Variants in ZFAT observed in about 807,000 individuals in gnomAD.
ZFAT encodes zinc finger and AT-hook domain containing.
A neutral mutation model predicts 117.7 loss-of-function variants in ZFAT; 64 were observed. The observed-to-expected ratio is 0.54, with a 90% confidence interval of 0.44 to 0.67. ZFAT has a LOEUF of 0.67. Ranked by LOEUF, ZFAT falls within the 30% of genes least tolerant of loss-of-function variation. The probability of loss-of-function intolerance (pLI) is 0.00; values close to 1 mark genes in which losing one functional copy is unlikely to be tolerated. For synonymous variants in ZFAT, 679 were observed against 615.0 expected, an observed-to-expected ratio of 1.10 and a Z score of -1.54; for missense variants, 1,433 against 1,584.5, an observed-to-expected ratio of 0.90 and a Z score of 1.62.
At chr8:134,733,149 T>TA in the ZFAT span, among the ~76,000 whole-genome samples, 1 of 152,166 alleles carries the variant, frequency 6.6e-6, no homozygotes, top group Non-Finnish European at 1.5e-5. Flanking sequence ...CCTAATGCTA[T>TA]AAAAATTAGG....
chr8:134,590,446 C>A, intron 7 of ZFAT, 91 bp from the exon 8 acceptor site: 1 of 911,992 alleles, frequency 1.1e-6, no homozygotes, highest in South Asian at 1.5e-5. Flanking sequence ...CATCACCCAC[C>A]ACCACCACCA....
chr8:134,492,716 A>C (rs1288228563), intron 15 of ZFAT, among the ~76,000 whole-genome samples: 1 of 152,240 alleles, frequency 6.6e-6, no homozygotes, highest in Non-Finnish European at 1.5e-5. Flanking sequence ...AGTCAGAAAC[A>C]AAGGGAAACA....
At chr8:134,497,847 T>C (rs1290980989) in intron 15 of ZFAT, among the ~76,000 whole-genome samples, 5 of 130,706 alleles carry the variant, frequency 3.8e-5, no homozygotes, top group Non-Finnish European at 6.6e-5. Flanking sequence ...TTTGGTAGGG[T>C]TGGGGTGGAG....
intron 1 of ZFAT, among the ~76,000 whole-genome samples, chr8:134,660,027 G>A (rs904640587): frequency 1.3e-5 from 2 of 152,164 alleles, no homozygotes; most frequent in African/African-American, 2.4e-5. Flanking sequence ...TCCAGGAAAC[G>A]TTCTATTCCT....
chr8:134,698,447 C>T (rs1833932885), intron 1 of ZFAT, among the ~76,000 whole-genome samples: 1 of 152,146 alleles, frequency 6.6e-6, no homozygotes, highest in Non-Finnish European at 1.5e-5. Flanking sequence ...GGACAGCCAA[C>T]TATTCAGACA....
At chr8:134,482,265 T>C (rs188180502) in intron 15 of ZFAT, among the ~76,000 whole-genome samples, 170 of 152,246 alleles carry the variant, frequency 1.1e-3, no homozygotes, top group African/African-American at 3.9e-3. Context: ...GGGAGGCGTT[T>C]AGGGATGTCT....
Position 134,637,432 on chromosome 8 carries a change from G to T in ZFAT, c.448+29C>A. On this transcript the variant is annotated intron_variant, in intron 3 of 15. Coordinates refer to ENST00000377838, the MANE Select transcript of ZFAT (RefSeq NM_020863.4). ...CAGATACACCTCTTCATAAGAAATT[G>T]ACATGTTCAGCCCTTTGGCAGCATT... is the stretch of plus-strand genomic sequence containing the variant. 4 of 1,588,878 alleles carry T rather than the reference G, an allele frequency of 2.5e-6. No individual in the cohort carries two copies. The South Asian group carries it at 3.4e-5, about 14-fold the overall frequency.
At chr8:134,707,596 G>A (rs1462284698) in intron 1 of ZFAT, among the ~76,000 whole-genome samples, 7 of 152,144 alleles carry the variant, frequency 4.6e-5, no homozygotes, top group Non-Finnish European at 4.4e-5. Context: ...ATGCCCTCCA[G>A]CAATGCCAGG....
At chr8:134,635,518 C>T (rs1830149121) in intron 3 of ZFAT, among the ~76,000 whole-genome samples, 1 of 152,168 alleles carries the variant, frequency 6.6e-6, no homozygotes, top group Non-Finnish European at 1.5e-5. Flanking sequence ...GACAGCAGAG[C>T]TGCCTCGATG....
chr8:134,592,783 T>C (rs575334962), intron 7 of ZFAT, among the ~76,000 whole-genome samples: 4 of 152,292 alleles, frequency 2.6e-5, no homozygotes, highest in African/African-American at 9.6e-5. Context: ...CCACCTCCTT[T>C]GGTGTTCCCC....
chr8:134,801,710 T>TA, the ZFAT span, among the ~76,000 whole-genome samples: 1 of 152,320 alleles, frequency 6.6e-6, no homozygotes, highest in African/African-American at 2.4e-5. Flanking sequence ...AGACAATTAA[T>TA]ATACTTTTTC....
intron 15 of ZFAT, among the ~76,000 whole-genome samples, chr8:134,493,022 G>A (rs927213004): frequency 1.3e-5 from 2 of 152,206 alleles, no homozygotes; most frequent in Non-Finnish European, 2.9e-5. Flanking sequence ...CTTTCATGGA[G>A]GAAGACAGTA....
chr8:134,609,882 C>G (rs891024718), intron 4 of ZFAT, among the ~76,000 whole-genome samples: 1 of 151,976 alleles, frequency 6.6e-6, no homozygotes, highest in Non-Finnish European at 1.5e-5. Flanking sequence ...TCAGAGGCAC[C>G]CCAGGATACC....
chr8:134,697,218 A>C lies in ZFAT; in HGVS notation c.19+15627T>G, dbSNP rs1044484252. Among the ~76,000 whole-genome samples, 32 of 152,016 alleles carry C rather than the reference A, an allele frequency of 2.1e-4. 1 individual carries two copies. The highest frequency in any genetic ancestry group is 6.5e-4 in the African/African-American group (27 of 41,422). ...CAACCTCCGCCTCCCTGGTTCAAGCAATTATCCGCCTCAGCCTCCTGAGTA... is the reference window on the plus strand; with the variant it reads ...CAACCTCCGCCTCCCTGGTTCAAGCCATTATCCGCCTCAGCCTCCTGAGTA... On this transcript the variant is annotated intron_variant, in intron 1 of 15. Coordinates refer to ENST00000377838, the MANE Select transcript of ZFAT (RefSeq NM_020863.4).
intron 11 of ZFAT, among the ~76,000 whole-genome samples, chr8:134,563,169 T>C (rs1034868001): frequency 6.6e-6 from 1 of 152,224 alleles, no homozygotes; most frequent in Non-Finnish European, 1.5e-5. Flanking sequence ...TAAAGACGCT[T>C]CTTGATTCAG....
chr8:134,674,473 A>G (rs953702095), intron 1 of ZFAT, among the ~76,000 whole-genome samples: 6 of 152,154 alleles, frequency 3.9e-5, no homozygotes, highest in African/African-American at 1.4e-4. Context: ...AGTGTAACAA[A>G]AGCTGCCAGG....
chr8:134,522,014 T>C (rs1206666879), intron 12 of ZFAT, among the ~76,000 whole-genome samples: 1 of 152,254 alleles, frequency 6.6e-6, no homozygotes, highest in African/African-American at 2.4e-5. Flanking sequence ...CTCTCCTCTA[T>C]GCCAGTGCTT....
intron 15 of ZFAT, among the ~76,000 whole-genome samples, chr8:134,499,886 C>A (rs780563557): frequency 6.6e-6 from 1 of 152,122 alleles, no homozygotes; most frequent in African/African-American, 2.4e-5. Flanking sequence ...GGCAAGAGGC[C>A]CTCCACCAGC....
intron 11 of ZFAT, among the ~76,000 whole-genome samples, chr8:134,542,525 A>G (rs1378733451): frequency 6.6e-6 from 1 of 152,214 alleles, no homozygotes; most frequent in Non-Finnish European, 1.5e-5. Context: ...GTAAGTACCC[A>G]CTTATAAGTG....
Sources: allele counts gnomAD v4.1 joint callset (sites outside exome capture counted in the v4.1 genomes callset), GRCh38; gene constraint gnomAD v4.1.1; transcripts MANE v1.5; gene names NCBI Gene and HGNC (gene_info 2026-07-23, HGNC 2026-07-21).